Variants in PARN observed in about 807,000 individuals in gnomAD.
The protein encoded by PARN is poly(A)-specific ribonuclease.
A neutral mutation model predicts 102.8 loss-of-function variants in PARN; 71 were observed. That is an observed-to-expected ratio of 0.69 (90% CI 0.57 to 0.84). The LOEUF (loss-of-function observed/expected upper bound fraction) is 0.84. Among genes scored for constraint, PARN ranks in the 40% least tolerant of loss-of-function variants. The probability of loss-of-function intolerance (pLI) is 0.00; values close to 1 mark genes in which losing one functional copy is unlikely to be tolerated. For synonymous variants in PARN, 261 were observed against 252.9 expected, an observed-to-expected ratio of 1.03 and a Z score of -0.30; for missense variants, 782 against 760.9, an observed-to-expected ratio of 1.03 and a Z score of -0.33.
chr16:14,625,694 C>T (rs367875100), intron 5 of PARN, among the ~76,000 whole-genome samples: 5 of 152,134 alleles, frequency 3.3e-5, no homozygotes, highest in East Asian at 3.8e-4. Context: ...GATTAACTCT[C>T]GATTTCATTT....
At chr16:14,556,811 T>G (rs1967719729) in intron 18 of PARN, among the ~76,000 whole-genome samples, 1 of 152,040 alleles carries the variant, frequency 6.6e-6, no homozygotes, top group African/African-American at 2.4e-5. Context: ...TTTAATGAAA[T>G]GCAAAGTCAC....
At chr16:14,614,664 G>A (rs1397558663) in intron 6 of PARN, among the ~76,000 whole-genome samples, 3 of 151,738 alleles carry the variant, frequency 2.0e-5, no homozygotes, top group Admixed American at 6.6e-5. Context: ...CAGCCTGGCC[G>A]ACATGGAGAA....
At chr16:14,568,569 C>T (rs1406910746) in intron 18 of PARN, among the ~76,000 whole-genome samples, 1 of 152,052 alleles carries the variant, frequency 6.6e-6, no homozygotes, top group Non-Finnish European at 1.5e-5. Context: ...GCACTCCAGC[C>T]TGAGTGACAG....
chr16:14,595,184 T>C (rs1240207801), intron 12 of PARN, among the ~76,000 whole-genome samples: 2 of 152,202 alleles, frequency 1.3e-5, no homozygotes, highest in East Asian at 3.8e-4. Flanking sequence ...TTTATGTGTA[T>C]ACCGGGTTTA....
intron 18 of PARN, among the ~76,000 whole-genome samples, chr16:14,568,675 T>C (rs547858849): frequency 2.4e-4 from 37 of 152,016 alleles, no homozygotes; most frequent in Admixed American, 7.2e-4. Flanking sequence ...TTTGGGAGGC[T>C]GAGGCGGGCG....
chr16:14,514,885 G>A (rs530608767), intron 21 of PARN, among the ~76,000 whole-genome samples: 23 of 152,282 alleles, frequency 1.5e-4, no homozygotes, highest in African/African-American at 5.5e-4. Context: ...ACACTCCATG[G>A]CATAAATAAG....
chr16:14,447,558 T>C (rs1206276027), intron 22 of PARN, among the ~76,000 whole-genome samples: 1 of 152,248 alleles, frequency 6.6e-6, no homozygotes, highest in Non-Finnish European at 1.5e-5. Flanking sequence ...TGGACATAGC[T>C]ACAGAGCATA....
intron 12 of PARN, among the ~76,000 whole-genome samples, chr16:14,597,436 C>T (rs1051982160): frequency 6.6e-6 from 1 of 152,210 alleles, no homozygotes; most frequent in Non-Finnish European, 1.5e-5. Context: ...GTGGCTCACG[C>T]CTGTAATCCC....
chr16:14,626,733 TC>T (rs1438246291), intron 5 of PARN, among the ~76,000 whole-genome samples: 1 of 151,646 alleles, frequency 6.6e-6, no homozygotes, highest in Non-Finnish European at 1.5e-5. Flanking sequence ...TGCCTCAGCC[TC>T]CCTAAGTAGC....
At chr16:14,600,056 T>C (rs1348281051) in intron 11 of PARN, 96 bp from the exon 12 acceptor site, 1 of 667,444 alleles carries the variant, frequency 1.5e-6, no homozygotes, top group Non-Finnish European at 2.4e-6. Context: ...TGAAATTTTG[T>C]ATCAAGTTAG....
In PARN at chr16:14,446,821, A is replaced by G. The variant is rs1961219575; in HGVS notation, c.1864+67T>C. 6 of 1,158,906 alleles carry G rather than the reference A, an allele frequency of 5.2e-6. No homozygotes were observed. The Admixed American group carries it at 9.7e-5, about 19-fold the overall frequency. 71.8% of individuals were successfully genotyped at this position (1,158,906 alleles called of 1,614,324 possible). Reference sequence around the variant, plus strand: ...AAGCCTTGCTATAATTTCTCCCCCAAAATAGGAGTTTCTAGAGCATTTAAA... The same window carrying G: ...AAGCCTTGCTATAATTTCTCCCCCAGAATAGGAGTTTCTAGAGCATTTAAA... On this transcript the variant is annotated intron_variant, in intron 23 of 23. Coordinates refer to ENST00000437198, the MANE Select transcript of PARN (RefSeq NM_002582.4).
At chr16:14,562,814 A>G (rs1256186820) in intron 18 of PARN, among the ~76,000 whole-genome samples, 1 of 152,158 alleles carries the variant, frequency 6.6e-6, no homozygotes, top group Non-Finnish European at 1.5e-5. Context: ...AGAATCAGAC[A>G]CCTCTAACAT....
intron 22 of PARN, among the ~76,000 whole-genome samples, chr16:14,465,238 C>G (rs1298965066): frequency 6.6e-6 from 1 of 152,026 alleles, no homozygotes; most frequent in Non-Finnish European, 1.5e-5. Context: ...CGGGTGCCAC[C>G]AAGCTCGGCT....
intron 21 of PARN, among the ~76,000 whole-genome samples, chr16:14,493,240 G>T (rs1964146843): frequency 6.6e-6 from 1 of 152,008 alleles, no homozygotes; most frequent in Admixed American, 6.6e-5. Context: ...TTGAGACAGG[G>T]TCTCTCGCTC....
chr16:14,502,478 G>A (rs1488882382), intron 21 of PARN, among the ~76,000 whole-genome samples: 2 of 152,214 alleles, frequency 1.3e-5, no homozygotes, highest in Non-Finnish European at 2.9e-5. Context: ...GCTACAAGAA[G>A]AGTGTGAAAG....
At chr16:14,485,417 T>C (rs1963615929) in intron 21 of PARN, among the ~76,000 whole-genome samples, 1 of 152,222 alleles carries the variant, frequency 6.6e-6, no homozygotes, top group Non-Finnish European at 1.5e-5. Context: ...CCAGGAACTA[T>C]GTCAGGTATT....
At chr16:14,485,774 G>T (rs1386700319) in intron 21 of PARN, among the ~76,000 whole-genome samples, 1 of 151,856 alleles carries the variant, frequency 6.6e-6, no homozygotes, top group African/African-American at 2.4e-5. Context: ...TGCAACCTCC[G>T]CCTCCCGGGT....
At chr16:14,496,125 CAG>C (rs886174734) in intron 21 of PARN, among the ~76,000 whole-genome samples, 13 of 152,216 alleles carry the variant, frequency 8.5e-5, no homozygotes, top group Admixed American at 7.9e-4. Flanking sequence ...GCCAGGCAAA[CAG>C]GGGCCGAGAG....
intron 21 of PARN, among the ~76,000 whole-genome samples, chr16:14,540,615 G>T (rs1358693833): frequency 2.0e-5 from 3 of 152,148 alleles, no homozygotes; most frequent in African/African-American, 7.2e-5. Context: ...ATGTGATATG[G>T]AAGGAAGGTC....
Sources: gnomAD v4.1 joint callset for allele counts (sites outside exome capture counted in the v4.1 genomes callset) on GRCh38, gnomAD v4.1.1 for gene constraint, MANE v1.5 for transcripts, NCBI Gene and HGNC (gene_info 2026-07-23, HGNC 2026-07-21) for gene names.